Variants in POU1F1 observed in about 807,000 individuals in gnomAD.
POU1F1 encodes POU class 1 homeobox 1.
Under a neutral mutation model 32.3 loss-of-function variants are expected in POU1F1, and 23 were observed. That is an observed-to-expected ratio of 0.71 (90% CI 0.51 to 1.01). The LOEUF is 1.01. Ranked by LOEUF, POU1F1 falls within the 50% of genes least tolerant of loss-of-function variation. POU1F1 has a pLI of 0.00. For missense variants in POU1F1, 323 were observed against 341.6 expected, an observed-to-expected ratio of 0.95 and a Z score of 0.43; for synonymous variants, 120 against 115.6, an observed-to-expected ratio of 1.04 and a Z score of -0.25.
intron 2 of POU1F1, among the ~76,000 whole-genome samples, chr3:87,272,254 C>A (rs1323784812): frequency 6.6e-6 from 1 of 151,912 alleles, no homozygotes; most frequent in Non-Finnish European, 1.5e-5. Flanking sequence ...AATAAGAATT[C>A]TTTTCCTGCT....
Position 87,276,315 on chromosome 3 carries a change from C to T in POU1F1, c.142+6G>A. The T allele has an allele frequency of 1.9e-6, 3 of 1,613,696 alleles. No homozygotes were observed. The highest frequency in any genetic ancestry group is 2.2e-5 in the South Asian group (2 of 91,060). ...GTCATATGTAAACTGTCATAGGAGTCAGTACCTGTAGACATCACATTGGTG... is the reference window on the plus strand; with the variant it reads ...GTCATATGTAAACTGTCATAGGAGTTAGTACCTGTAGACATCACATTGGTG... On this transcript the variant is annotated splice_donor_region_variant and intron_variant, in intron 1 of 5. Coordinates refer to ENST00000350375, the MANE Select transcript of POU1F1 (RefSeq NM_000306.4).
chr3:87,272,857 G>T lies in POU1F1; in HGVS notation c.214+490C>A, dbSNP rs35015498. Among the ~76,000 whole-genome samples the T allele has an allele frequency of 5.3e-3, 806 of 152,240 alleles. 6 individuals are homozygous for T. The highest frequency in any genetic ancestry group is 9.0e-3 in the Non-Finnish European group (610 of 68,022). The stretch of plus-strand genomic sequence containing the variant: ...TCCAGAAGAAATATAATGATGAGGG[G>T]GGGTGTTCTGTAAACCTGTGCTGTC... On this transcript the variant is annotated intron_variant, in intron 2 of 5. Coordinates refer to ENST00000350375, the MANE Select transcript of POU1F1 (RefSeq NM_000306.4).
chr3:87,262,160 C>A lies in POU1F1; in HGVS notation c.515G>T (p.Arg172Leu). 1 of 1,614,092 alleles carries A rather than the reference C, an allele frequency of 6.2e-7. No individual in the cohort carries two copies. The highest frequency in any genetic ancestry group is 8.5e-7 in the Non-Finnish European group (1 of 1,180,008). Residue 172 changes from arginine to leucine, a missense_variant, in exon 4 of 6, where the codon CGA becomes CTA. Transcript: ENST00000350375. ...GSEFSQTTIC[R>L]FENLQLSFKN... ...AAAGCTGAGCTGCAGATTTTCAAAT[C>A]GGCAGATTGTTGTTTGACTGAATTC...
At chr3:87,262,460 C>A (rs1706530894) in intron 3 of POU1F1, among the ~76,000 whole-genome samples, 1 of 152,106 alleles carries the variant, frequency 6.6e-6, no homozygotes, top group African/African-American at 2.4e-5. Context: ...TTTATCTAGT[C>A]ACTGAAAGAA....
At chr3:87,273,718 A>T (rs1409132864) in intron 1 of POU1F1, among the ~76,000 whole-genome samples, 2 of 152,172 alleles carry the variant, frequency 1.3e-5, no homozygotes, top group African/African-American at 4.8e-5. Context: ...TGCTATGGCT[A>T]CGAGTGCCCC....
At chr3:87,270,652 G>T (rs1489306796) in intron 2 of POU1F1, among the ~76,000 whole-genome samples, 1 of 152,102 alleles carries the variant, frequency 6.6e-6, no homozygotes, top group Non-Finnish European at 1.5e-5. Context: ...CGTTGTTGTT[G>T]TTAAGACACT....
intron 2 of POU1F1, among the ~76,000 whole-genome samples, chr3:87,267,677 AG>A (rs566530986): frequency 1.5e-3 from 189 of 126,530 alleles, no homozygotes; most frequent in Non-Finnish European, 2.8e-3. Context: ...GTAAAATCTT[AG>A]CTCATTGCAA....
intron 1 of POU1F1, among the ~76,000 whole-genome samples, chr3:87,273,664 TAATA>T (rs1270253714): frequency 1.3e-5 from 2 of 152,176 alleles, no homozygotes; most frequent in African/African-American, 4.8e-5. Flanking sequence ...TGTAACGAGA[TAATA>T]AATCATCAAA....
At chr3:87,267,585 ATTGTTTAT>A (rs1279295577) in intron 2 of POU1F1, among the ~76,000 whole-genome samples, 5 of 128,058 alleles carry the variant, frequency 3.9e-5, no homozygotes, top group Admixed American at 8.4e-5. Context: ...TTTCCGTAAA[ATTGTTTAT>A]TTGTTTGTTT....
intron 5 of POU1F1, 31 bp from the exon 6 acceptor site, chr3:87,260,135 TTTG>T: frequency 6.3e-7 from 1 of 1,586,146 alleles, no homozygotes; most frequent in Non-Finnish European, 8.6e-7. Flanking sequence ...GGGGTGAAAT[TTTG>T]TTGTTTTTAG....
At position 87,259,946 on chromosome 3, in the gene POU1F1, C is replaced by T; in HGVS notation, c.824G>A (p.Ser275Asn). Residue 275 changes from serine to asparagine, a missense_variant, in exon 6 of 6, where the codon AGT becomes AAT. By Grantham distance (46) the Ser-to-Asn change is conservative. Coordinates refer to ENST00000350375, the MANE Select transcript of POU1F1 (RefSeq NM_000306.4). ...RRQREKRVKT[S>N]LNQSLFSISK... ...AATAGAAAATAAACTCTGATTCAGA[C>T]TTGTTTTCACCCGTTTTTCTCTCTG... The T allele has an allele frequency of 6.8e-6, 11 of 1,614,090 alleles. No homozygotes were observed. Among genetic ancestry groups the T allele is most frequent in the East Asian group, 2.2e-5 (1 of 44,866 alleles).
chr3:87,274,079 T>C (rs556355812), intron 1 of POU1F1, among the ~76,000 whole-genome samples: 1 of 152,282 alleles, frequency 6.6e-6, no homozygotes, highest in Admixed American at 6.5e-5. Flanking sequence ...ATGAGGTTGT[T>C]AGTTGTCTGC....
intron 2 of POU1F1, among the ~76,000 whole-genome samples, chr3:87,271,439 G>C (rs1706718662): frequency 6.6e-6 from 1 of 152,192 alleles, no homozygotes; most frequent in Non-Finnish European, 1.5e-5. Context: ...CTCTGTGACT[G>C]GTTTTAATCT....
In POU1F1 at chr3:87,264,347, G is replaced by A. The variant is rs750117553; in HGVS notation, c.380C>T (p.Pro127Leu). The stretch of plus-strand genomic sequence containing the variant: ...AAACTTTTCAAGTTCTCTGATTTCT[G>A]GAGAATCCATGTCTATTGGCTCTTC... ...LVEEPIDMDS[P>L]EIRELEKFAN... Residue 127 changes from proline to leucine, a missense_variant, in exon 3 of 6, where the codon CCA becomes CTA. Coordinates refer to ENST00000350375, the MANE Select transcript of POU1F1 (RefSeq NM_000306.4). 1 of 1,613,826 alleles carries A rather than the reference G, an allele frequency of 6.2e-7. No homozygotes were observed. Among genetic ancestry groups the A allele is most frequent in the South Asian group, 1.1e-5 (1 of 91,076 alleles).
intron 1 of POU1F1, 82 bp downstream of exon 1, chr3:87,276,239 G>T (rs1347530059): frequency 2.0e-6 from 3 of 1,506,956 alleles, no homozygotes; most frequent in East Asian, 2.3e-5. Context: ...GATGCAAAGA[G>T]ATTATTAACT....
chr3:87,265,830 C>T (rs1415219039), intron 2 of POU1F1, among the ~76,000 whole-genome samples: 2 of 151,818 alleles, frequency 1.3e-5, no homozygotes, highest in African/African-American at 4.8e-5. Context: ...GGGACTTGAG[C>T]ATCGAAAGAT....
intron 3 of POU1F1, among the ~76,000 whole-genome samples, chr3:87,263,352 CA>C (rs1706545724): frequency 6.6e-6 from 1 of 152,066 alleles, no homozygotes; most frequent in Admixed American, 6.6e-5. Context: ...AAAAGATTAA[CA>C]GCATATTTTT....
Position 87,259,861 on chromosome 3 carries a change from G to T in POU1F1, c.*33C>A. 3 of 1,551,890 alleles carry T rather than the reference G, an allele frequency of 1.9e-6. No individual in the cohort carries two copies. Among genetic ancestry groups the T allele is most frequent in the South Asian group, 1.1e-5 (1 of 89,564 alleles). On this transcript the variant is annotated 3_prime_UTR_variant, in exon 6 of 6. Transcript: ENST00000350375. ...GTTGAGGAAGAGAAAGGAATGAAAC[G>T]GGAGAAAAAGGCTATTATACAATAG...
At chr3:87,275,081 A>C (rs768405204) in intron 1 of POU1F1, among the ~76,000 whole-genome samples, 82 of 152,104 alleles carry the variant, frequency 5.4e-4, no homozygotes, top group Non-Finnish European at 8.5e-4. Flanking sequence ...ACTATTTAAA[A>C]TATGTGATTA....
Sources: gnomAD v4.1 joint callset for allele counts (sites outside exome capture counted in the v4.1 genomes callset) on GRCh38, gnomAD v4.1.1 for gene constraint, MANE v1.5 for transcripts, NCBI Gene and HGNC (gene_info 2026-07-23, HGNC 2026-07-21) for gene names.